The following AMPH variants were observed in gnomAD, a reference collection of about 807,000 sequenced individuals.
The protein encoded by AMPH is amphiphysin (Stiff-Mann syndrome with breast cancer 128kD autoantigen).
AMPH carries 49 observed loss-of-function variants against 99.1 expected under a neutral mutation model. That is an observed-to-expected ratio of 0.49 (90% CI 0.39 to 0.63). AMPH has a LOEUF of 0.63. Among genes scored for constraint, AMPH ranks in the 20% least tolerant of loss-of-function variants. AMPH has a pLI of 0.00. For missense variants in AMPH, 759 were observed against 863.4 expected (o/e 0.88, Z 1.52); for synonymous variants, 314 against 317.3 (o/e 0.99, Z 0.11).
At chr7:38,450,976 G>A (rs772996097) in intron 11 of AMPH, among the ~76,000 whole-genome samples, 4 of 150,022 alleles carry the variant, frequency 2.7e-5, no homozygotes, top group Non-Finnish European at 5.9e-5. Context: ...CTGTAACCTC[G>A]ACCTCCTGGG....
At chr7:38,584,439 G>A (rs530059980) in intron 1 of AMPH, among the ~76,000 whole-genome samples, 1 of 152,142 alleles carries the variant, frequency 6.6e-6, no homozygotes, top group Non-Finnish European at 1.5e-5. Context: ...TTCAAGATGT[G>A]GTCATGTTCA....
chr7:38,526,420 C>T lies in AMPH; in HGVS notation c.150+8511G>A, dbSNP rs375784615. Among the ~76,000 whole-genome samples, 4 of 140,388 alleles carry T rather than the reference C, an allele frequency of 2.8e-5. No homozygotes were observed. The East Asian group carries it at 8.7e-4, about 31-fold the overall frequency. 92.1% of individuals were successfully genotyped at this position (140,388 alleles called of 152,430 possible). On this transcript the variant is annotated intron_variant, in intron 2 of 20. Coordinates refer to ENST00000356264, the MANE Select transcript of AMPH (RefSeq NM_001635.4). ...AAGTAGCTGGGACTGCAAGCACCCA[C>T]TACCATGCCCGGCTTTTTTTTTTTT... is the stretch of plus-strand genomic sequence containing the variant.
intron 14 of AMPH, 59 bp downstream of exon 14, chr7:38,429,783 A>G (rs1159549108): frequency 6.7e-7 from 1 of 1,490,126 alleles, no homozygotes; most frequent in East Asian, 2.3e-5. Context: ...AAAATATACT[A>G]TGTATGTAAT....
intron 1 of AMPH, among the ~76,000 whole-genome samples, 195 bp from the exon 2 acceptor site, chr7:38,535,206 C>A (rs1373637406): frequency 2.0e-5 from 3 of 151,942 alleles, no homozygotes; most frequent in Non-Finnish European, 4.4e-5. Flanking sequence ...AAACTGAATC[C>A]CAGTCCCGCC....
intron 10 of AMPH, 109 bp downstream of exon 10, chr7:38,462,866 C>A: frequency 8.0e-7 from 1 of 1,245,098 alleles, no homozygotes; most frequent in Non-Finnish European, 1.1e-6. Context: ...TCTCAGTCTC[C>A]CTAACTGGAA....
chr7:38,490,774 G>A (rs139273690), intron 5 of AMPH, among the ~76,000 whole-genome samples: 29 of 152,228 alleles, frequency 1.9e-4, no homozygotes, highest in African/African-American at 6.5e-4. Context: ...ACTTTTGGTA[G>A]CTCTGGTTTA....
intron 3 of AMPH, among the ~76,000 whole-genome samples, chr7:38,502,697 G>A (rs1221257651): frequency 6.6e-6 from 1 of 152,146 alleles, no homozygotes; most frequent in Non-Finnish European, 1.5e-5. Flanking sequence ...TGCCATGACT[G>A]GGCCCACTCT....
intron 2 of AMPH, among the ~76,000 whole-genome samples, chr7:38,517,299 T>C (rs1431829813): frequency 6.6e-6 from 1 of 152,210 alleles, no homozygotes; most frequent in African/African-American, 2.4e-5. Context: ...GGTGATTGGA[T>C]CATGGGGGTG....
chr7:38,429,826 C>A lies in AMPH; in HGVS notation c.1182+16G>T. The stretch of plus-strand genomic sequence containing the variant: ...AAATACCAAAAAAATCCAGAATGAT[C>A]TGGATATTTACCTACCGGCTGTACC... On this transcript the variant is annotated intron_variant, in intron 14 of 20. Coordinates refer to ENST00000356264, the MANE Select transcript of AMPH (RefSeq NM_001635.4). 1 of 1,602,852 alleles carries A rather than the reference C, an allele frequency of 6.2e-7. No individual in the cohort carries two copies. Among genetic ancestry groups the A allele is most frequent in the Middle Eastern group, 1.7e-4 (1 of 6,016 alleles).
intron 11 of AMPH, among the ~76,000 whole-genome samples, chr7:38,437,989 G>C (rs917706959): frequency 2.0e-5 from 3 of 152,122 alleles, no homozygotes; most frequent in Non-Finnish European, 2.9e-5. Flanking sequence ...CAAGGATAAT[G>C]CCCTTCTGAG....
At chr7:38,630,135 G>A (rs1307221267) in intron 1 of AMPH, among the ~76,000 whole-genome samples, 4 of 152,302 alleles carry the variant, frequency 2.6e-5, no homozygotes, top group Admixed American at 6.5e-5. Context: ...CTGACTTCCA[G>A]TAAAACAGGA....
At chr7:38,516,413 G>A (rs1203684036) in intron 2 of AMPH, among the ~76,000 whole-genome samples, 1 of 152,218 alleles carries the variant, frequency 6.6e-6, no homozygotes, top group Admixed American at 6.5e-5. Flanking sequence ...TGCTCCAGAG[G>A]ATGTAAGCTA....
chr7:38,485,920 G>A (rs939971660), intron 5 of AMPH, among the ~76,000 whole-genome samples: 1 of 151,848 alleles, frequency 6.6e-6, no homozygotes, highest in African/African-American at 2.4e-5. Context: ...AAGTATCTCA[G>A]CACAAATGAA....
chr7:38,516,871 G>C (rs1296015361), intron 2 of AMPH, among the ~76,000 whole-genome samples: 1 of 152,246 alleles, frequency 6.6e-6, no homozygotes, highest in Non-Finnish European at 1.5e-5. Context: ...ATGGGGTCAA[G>C]GGAGATTATT....
intron 17 of AMPH, among the ~76,000 whole-genome samples, chr7:38,410,138 G>C (rs1785171961): frequency 6.6e-6 from 1 of 152,162 alleles, no homozygotes; most frequent in East Asian, 1.9e-4. Context: ...TGTCATCTTT[G>C]AATGATATGT....
chr7:38,612,848 T>G (rs1372195980), intron 1 of AMPH, among the ~76,000 whole-genome samples: 3 of 152,200 alleles, frequency 2.0e-5, no homozygotes, highest in Admixed American at 2.0e-4. Context: ...CAAATAGATA[T>G]GTGGGTTATA....
intron 20 of AMPH, among the ~76,000 whole-genome samples, chr7:38,387,686 G>C (rs1389522344): frequency 6.6e-6 from 1 of 150,564 alleles, no homozygotes; most frequent in African/African-American, 2.4e-5. Flanking sequence ...AGAACAAAGA[G>C]AATAATTCAG....
chr7:38,575,143 A>G (rs1190978716), intron 1 of AMPH, among the ~76,000 whole-genome samples: 1 of 151,782 alleles, frequency 6.6e-6, no homozygotes, highest in African/African-American at 2.4e-5. Flanking sequence ...TTCCTGTTGC[A>G]TCTTTCAAAC....
At chr7:38,626,315 CA>C (rs1036924163) in intron 1 of AMPH, among the ~76,000 whole-genome samples, 1 of 152,028 alleles carries the variant, frequency 6.6e-6, no homozygotes, top group Non-Finnish European at 1.5e-5. Flanking sequence ...CTACAGTAAC[CA>C]AAACAACATG....
Sources: gnomAD v4.1 joint callset for allele counts (sites outside exome capture counted in the v4.1 genomes callset) on GRCh38, gnomAD v4.1.1 for gene constraint, MANE v1.5 for transcripts, NCBI Gene and HGNC (gene_info 2026-07-23, HGNC 2026-07-21) for gene names.